Variants in CORIN observed in about 807,000 individuals in gnomAD.
The protein encoded by CORIN is atrial natriuretic peptide-converting enzyme.
Under a neutral mutation model 125.3 loss-of-function variants are expected in CORIN, and 117 were observed. The ratio of observed to expected loss-of-function variants is 0.93; its 90% CI spans 0.80 to 1.09. CORIN has a LOEUF of 1.09. Among genes scored for constraint, CORIN ranks in the 50% least tolerant of loss-of-function variants. CORIN has a pLI of 0.00. For synonymous variants in CORIN, 450 were observed against 466.4 expected, an observed-to-expected ratio of 0.96 and a Z score of 0.45; for missense variants, 1,253 against 1,306.7, an observed-to-expected ratio of 0.96 and a Z score of 0.63.
chr4:47,646,891 G>A (rs1723513424), intron 13 of CORIN, among the ~76,000 whole-genome samples: 1 of 151,904 alleles, frequency 6.6e-6, no homozygotes, highest in Non-Finnish European at 1.5e-5. Context: ...CAGGTTTCTT[G>A]GAATCCATTA....
At position 47,603,561 on chromosome 4, in the gene CORIN, C is replaced by A; in HGVS notation, c.2648G>T (p.Arg883Leu). The change falls in exon 20 of 22, where the codon CGC becomes CTC. Residue 883 changes from arginine (R) to leucine (L), a missense_variant. Transcript: ENST00000273857. ...RFVKTIILHP[R>L]YSRAVVDYDI... The stretch of plus-strand genomic sequence containing the variant: ...ATAGTCCACCACTGCTCGACTGTAG[C>A]GGGGATGCAGGATGATGGTCTTCAC... The A allele has an allele frequency of 6.2e-7, 1 of 1,614,104 alleles. No individual in the cohort carries two copies. Among genetic ancestry groups the A allele is most frequent in the Non-Finnish European group, 8.5e-7 (1 of 1,180,018 alleles).
intron 13 of CORIN, among the ~76,000 whole-genome samples, chr4:47,653,095 CAG>C (rs1335151179): frequency 1.3e-5 from 2 of 152,128 alleles, no homozygotes; most frequent in Admixed American, 6.5e-5. Flanking sequence ...TATTTTGAGA[CAG>C]AGAGAGAGAA....
intron 12 of CORIN, among the ~76,000 whole-genome samples, chr4:47,653,911 A>G (rs1723847854): frequency 6.6e-6 from 1 of 152,216 alleles, no homozygotes. Context: ...TTCTTTCCAA[A>G]TGGGACAACC....
intron 2 of CORIN, among the ~76,000 whole-genome samples, chr4:47,788,410 T>C (rs73150678): frequency 0.012 from 1,849 of 152,254 alleles, 50 homozygotes; most frequent in African/African-American, 0.042. Flanking sequence ...AAATAAAACA[T>C]TGAAGCATAA....
At chr4:47,775,347 T>G (rs1479737701) in intron 3 of CORIN, among the ~76,000 whole-genome samples, 3 of 152,120 alleles carry the variant, frequency 2.0e-5, no homozygotes, top group African/African-American at 4.8e-5. Flanking sequence ...TAGGTATATC[T>G]CCTAATGCTA....
At chr4:47,826,827 C>T (rs2109983658) in intron 1 of CORIN, among the ~76,000 whole-genome samples, 1 of 152,208 alleles carries the variant, frequency 6.6e-6, no homozygotes, top group East Asian at 1.9e-4. Flanking sequence ...CCCTCTAATG[C>T]CATAGACACT....
chr4:47,762,412 A>T (rs1004887608), intron 4 of CORIN, among the ~76,000 whole-genome samples: 5 of 152,264 alleles, frequency 3.3e-5, no homozygotes, highest in African/African-American at 9.6e-5. Flanking sequence ...TTGATGTTAT[A>T]TGTGAATAAG....
intron 5 of CORIN, among the ~76,000 whole-genome samples, chr4:47,732,134 G>C (rs1278602402): frequency 1.3e-5 from 2 of 152,124 alleles, no homozygotes; most frequent in Non-Finnish European, 2.9e-5. Flanking sequence ...AAATATATAA[G>C]ATGTTGAGAA....
intron 21 of CORIN, among the ~76,000 whole-genome samples, chr4:47,599,644 C>A (rs534011264): frequency 6.6e-6 from 1 of 152,278 alleles, no homozygotes; most frequent in South Asian, 2.1e-4. Context: ...ACTCTCATGG[C>A]CATGAATCCT....
intron 16 of CORIN, among the ~76,000 whole-genome samples, chr4:47,635,335 T>C (rs922120646): frequency 1.3e-5 from 2 of 152,158 alleles, no homozygotes; most frequent in African/African-American, 4.8e-5. Context: ...TGGATACTGA[T>C]AAGTTGTTGG....
chr4:47,710,732 G>A (rs1194743019), intron 5 of CORIN, among the ~76,000 whole-genome samples: 1 of 152,210 alleles, frequency 6.6e-6, no homozygotes, highest in Non-Finnish European at 1.5e-5. Context: ...CCATTTCCCA[G>A]TCCTGTTTGT....
At chr4:47,647,763 T>C (rs751636982) in intron 13 of CORIN, among the ~76,000 whole-genome samples, 7 of 152,180 alleles carry the variant, frequency 4.6e-5, no homozygotes, top group Non-Finnish European at 7.3e-5. Context: ...ACATGAAGTA[T>C]GCGTAAGGGG....
intron 5 of CORIN, among the ~76,000 whole-genome samples, chr4:47,695,364 A>G (rs61761804): frequency 3.9e-5 from 6 of 152,154 alleles, no homozygotes; most frequent in Non-Finnish European, 8.8e-5. Context: ...TGCATTCCCC[A>G]CCTATGGCTC....
intron 1 of CORIN, among the ~76,000 whole-genome samples, chr4:47,833,281 A>G (rs1442229050): frequency 3.3e-5 from 5 of 152,234 alleles, no homozygotes; most frequent in Non-Finnish European, 7.3e-5. Flanking sequence ...CAAGGATGCC[A>G]AGAATATACA....
chr4:47,644,435 T>C (rs1723378182), intron 14 of CORIN, among the ~76,000 whole-genome samples: 1 of 152,234 alleles, frequency 6.6e-6, no homozygotes, highest in African/African-American at 2.4e-5. Flanking sequence ...ATGTATATGA[T>C]AATAAAAGAT....
chr4:47,666,358 C>G (rs1724480320), intron 10 of CORIN, among the ~76,000 whole-genome samples: 1 of 152,094 alleles, frequency 6.6e-6, no homozygotes, highest in Non-Finnish European at 1.5e-5. Flanking sequence ...AGCACAGTGC[C>G]AGAATGAAGG....
chr4:47,757,893 T>TAC (rs983020380), intron 4 of CORIN, among the ~76,000 whole-genome samples: 1 of 144,790 alleles, frequency 6.9e-6, no homozygotes, highest in Admixed American at 6.9e-5. Flanking sequence ...TATATATATA[T>TAC]ATATATATAT....
At chr4:47,714,735 G>T (rs1250405570) in intron 5 of CORIN, among the ~76,000 whole-genome samples, 2 of 152,218 alleles carry the variant, frequency 1.3e-5, no homozygotes, top group Non-Finnish European at 2.9e-5. Context: ...AGAAAAACAG[G>T]CTGCAGGCTG....
At chr4:47,617,330 T>C (rs569595186) in intron 19 of CORIN, among the ~76,000 whole-genome samples, 1 of 152,312 alleles carries the variant, frequency 6.6e-6, no homozygotes, top group Non-Finnish European at 1.5e-5. Flanking sequence ...AGATGCAACA[T>C]ACATGACTAG....
Sources: gnomAD v4.1 joint callset for allele counts (sites outside exome capture counted in the v4.1 genomes callset) on GRCh38, gnomAD v4.1.1 for gene constraint, MANE v1.5 for transcripts, NCBI Gene and HGNC (gene_info 2026-07-23, HGNC 2026-07-21) for gene names.